Variants in MAPKBP1 observed in about 807,000 individuals in gnomAD.
MAPKBP1 encodes the protein mitogen-activated protein kinase-binding protein 1.
In MAPKBP1, 71 loss-of-function variants were observed where a neutral mutation model predicts 170.5. The ratio of observed to expected loss-of-function variants is 0.42; its 90% CI spans 0.34 to 0.51. The LOEUF (loss-of-function observed/expected upper bound fraction) is 0.51, where lower values mean the gene tolerates loss of function less well. Among genes scored for constraint, MAPKBP1 ranks in the 20% least tolerant of loss-of-function variants. The probability of loss-of-function intolerance (pLI) is 0.06; values close to 1 mark genes in which losing one functional copy is unlikely to be tolerated. For synonymous variants in MAPKBP1, 719 were observed against 757.9 expected, an observed-to-expected ratio of 0.95 and a Z score of 0.84; for missense variants, 1,598 against 1,933.0, an observed-to-expected ratio of 0.83 and a Z score of 3.25.
intron 2 of MAPKBP1, among the ~76,000 whole-genome samples, chr15:41,787,050 C>T (rs2064310967): frequency 6.6e-6 from 1 of 150,922 alleles, no homozygotes; most frequent in African/African-American, 2.4e-5. Context: ...AGGCGTAATC[C>T]TGACCTCAGG....
intron 3 of MAPKBP1, among the ~76,000 whole-genome samples, chr15:41,804,580 T>A (rs755369395): frequency 6.6e-6 from 1 of 152,020 alleles, no homozygotes; most frequent in Non-Finnish European, 1.5e-5. Context: ...CCCTGGAGAG[T>A]GTGGAGTCCT....
In MAPKBP1 at chr15:41,812,975, C is replaced by T. The variant is rs759951135; in HGVS notation, c.693C>T (p.Asn231=). ...CAGGGCTGCTGGGAGAGCTACGGAA[C>T]AACCTATTCACTGATGTGGCCTGTG... is the stretch of plus-strand genomic sequence containing the variant. ...GRSGLLGELR[N]NLFTDVACGR... Residue 231 remains asparagine (N), a synonymous_variant, in exon 8 of 31, where the codon AAC becomes AAT. Coordinates refer to ENST00000457542, the MANE Select transcript of MAPKBP1 (RefSeq NM_014994.3). The T allele has an allele frequency of 1.2e-6, 2 of 1,613,682 alleles. No homozygotes were observed. The highest frequency in any genetic ancestry group is 1.7e-6 in the Non-Finnish European group (2 of 1,179,792).
At position 41,825,629 on chromosome 15, in the gene MAPKBP1, CT is replaced by C; in HGVS notation, c.*195del. On this transcript the variant is annotated 3_prime_UTR_variant, in exon 31 of 31. Coordinates refer to ENST00000457542, the MANE Select transcript of MAPKBP1 (RefSeq NM_014994.3). ...ATTTATTTCCCTGACTGTTGCCTCA[CT>C]TCCTTGGAACTCCTGCCTCCACAGC... is the stretch of plus-strand genomic sequence containing the variant. 2 of 528,552 alleles carry C rather than the reference CT, an allele frequency of 3.8e-6. No individual in the cohort carries two copies. Among genetic ancestry groups the C allele is most frequent in the Non-Finnish European group, 6.7e-6 (2 of 300,508 alleles). 32.7% of individuals were successfully genotyped at this position (528,552 alleles called of 1,614,324 possible).
Position 41,812,533 on chromosome 15 carries a change from C to G in MAPKBP1, c.516C>G (p.Ala172=). 6.2e-7 allele frequency: 1 copy of G among 1,614,240 alleles called. No homozygotes were observed. The highest frequency in any genetic ancestry group is 8.5e-7 in the Non-Finnish European group (1 of 1,180,044). Residue 172 remains alanine (A), a synonymous_variant, in exon 7 of 31, where the codon GCC becomes GCG. Transcript: ENST00000457542. ...VWAWKKNIVV[A]SNKVSSRVTA... ...CCCTCCAGAAAAACATTGTGGTGGC[C>G]TCCAACAAGGTGTCCAGTCGGGTGA...
rs940967447 is a variant in MAPKBP1, at chr15:41,807,892, A to C, written c.207-2991A>C. On this transcript the variant is annotated intron_variant, in intron 3 of 30. Transcript: ENST00000457542. ...TCTCTACTAAAAATATAAAAAAATT[A>C]GCCAGGCTTGGTGATGGGTGCCTGT... is the stretch of plus-strand genomic sequence containing the variant. Among the ~76,000 whole-genome samples the C allele has an allele frequency of 3.6e-4, 54 of 151,894 alleles. 1 individual carries two copies. The highest frequency in any genetic ancestry group is 1.2e-3 in the African/African-American group (51 of 41,384).
At chr15:41,813,178 C>G in intron 8 of MAPKBP1, 77 bp downstream of exon 8, 1 of 1,549,830 alleles carries the variant, frequency 6.5e-7, no homozygotes, top group South Asian at 1.2e-5. Context: ...GGGCTTCAGA[C>G]TAGGGGCTGG....
At chr15:41,806,204 C>T (rs997784249) in intron 3 of MAPKBP1, among the ~76,000 whole-genome samples, 2 of 152,124 alleles carry the variant, frequency 1.3e-5, no homozygotes, top group African/African-American at 2.4e-5. Context: ...AAGTTATAAG[C>T]GTGATTACAA....
intron 20 of MAPKBP1, 134 bp downstream of exon 20, chr15:41,819,091 C>A: frequency 6.8e-7 from 1 of 1,465,752 alleles, no homozygotes; most frequent in Non-Finnish European, 9.3e-7. Context: ...ACACAAGGAT[C>A]CATGATGTCA....
intron 2 of MAPKBP1, among the ~76,000 whole-genome samples, chr15:41,781,567 C>T (rs1441064594): frequency 6.6e-6 from 1 of 152,016 alleles, no homozygotes; most frequent in Non-Finnish European, 1.5e-5. Context: ...TGCTCGAGCC[C>T]AGGAGTTTGA....
chr15:41,825,511 C>T lies in MAPKBP1; in HGVS notation c.*75C>T. 7.5e-7 allele frequency: 1 copy of T among 1,335,456 alleles called. No homozygotes were observed. Among genetic ancestry groups the T allele is most frequent in the Non-Finnish European group, 1.0e-6 (1 of 979,702 alleles). 82.7% of individuals were successfully genotyped at this position (1,335,456 alleles called of 1,614,324 possible). A position where few individuals can be genotyped will look rare whatever the true frequency, so the allele number is the denominator to read the frequency against. Reference sequence around the variant, plus strand: ...GCAGCCCCTCTGCCCCTCACCAAAACCTGCGGGGCTGCTTGGAGTGGAAAG... The same window carrying T: ...GCAGCCCCTCTGCCCCTCACCAAAATCTGCGGGGCTGCTTGGAGTGGAAAG... On this transcript the variant is annotated 3_prime_UTR_variant, in exon 31 of 31. Transcript: ENST00000457542.
chr15:41,788,202 C>T (rs931789569), intron 2 of MAPKBP1, among the ~76,000 whole-genome samples: 2 of 152,160 alleles, frequency 1.3e-5, no homozygotes, highest in African/African-American at 2.4e-5. Context: ...GTGATGCACC[C>T]GCCTCGGCCT....
chr15:41,795,429 G>A (rs2064471518), intron 2 of MAPKBP1, among the ~76,000 whole-genome samples: 1 of 151,988 alleles, frequency 6.6e-6, no homozygotes. Flanking sequence ...GAGTGAAGGG[G>A]AGGGTGTAGG....
At position 41,825,430 on chromosome 15, in the gene MAPKBP1, ACT is replaced by A; in HGVS notation, c.4524_4525del (p.Ter1509SerfsTer100). The A allele has an allele frequency of 6.2e-7, 1 of 1,602,730 alleles. No individual in the cohort carries two copies. Among genetic ancestry groups the A allele is most frequent in the East Asian group, 2.2e-5 (1 of 44,510 alleles). The part of the protein sequence containing the change: ...RAVERRMERK[L>X] Reference sequence around the variant, plus strand: ...CCGTGGAACGGCGTATGGAACGCAAACTCTGAGTTCTGGAAGCCTGTCCCAAG... The same window carrying A: ...CCGTGGAACGGCGTATGGAACGCAAACTGAGTTCTGGAAGCCTGTCCCAAG... On this transcript the variant is annotated frameshift_variant, in exon 31 of 31. Coordinates refer to ENST00000457542, the MANE Select transcript of MAPKBP1 (RefSeq NM_014994.3). LOFTEE classifies it high-confidence loss of function.
In MAPKBP1 at chr15:41,799,830, T is replaced by A; in HGVS notation, c.122T>A (p.Leu41Ter). The A allele has an allele frequency of 6.2e-7, 1 of 1,613,144 alleles. No homozygotes were observed. The highest frequency in any genetic ancestry group is 2.2e-5 in the East Asian group (1 of 44,882). ...TCTCTCTTCCTCTAACAGGTGACCT[T>A]GGAGAAGGTGCTGGGAATTACAGTG... ...RREDLSSKVT[L>*]EKVLGITVSG... The change falls in exon 3 of 31, where the codon TTG becomes TAG. Residue 41 changes from leucine to a stop codon, truncating the protein, a stop_gained. Coordinates refer to ENST00000457542, the MANE Select transcript of MAPKBP1 (RefSeq NM_014994.3). LOFTEE classifies it high-confidence loss of function.
rs892458141 is a variant in MAPKBP1, at chr15:41,825,446, G to T, written c.*10G>T. ...GGAACGCAAACTCTGAGTTCTGGAAGCCTGTCCCAAGTGAATGAATGCTCC... is the reference window on the plus strand; with the variant it reads ...GGAACGCAAACTCTGAGTTCTGGAATCCTGTCCCAAGTGAATGAATGCTCC... On this transcript the variant is annotated 3_prime_UTR_variant, in exon 31 of 31. Coordinates refer to ENST00000457542, the MANE Select transcript of MAPKBP1 (RefSeq NM_014994.3). 6.3e-7 allele frequency: 1 copy of T among 1,590,134 alleles called. No individual in the cohort carries two copies.
At chr15:41,812,849 C>T in intron 7 of MAPKBP1, 70 bp from the exon 8 acceptor site, 1 of 1,529,392 alleles carries the variant, frequency 6.5e-7, no homozygotes. Flanking sequence ...CCCCTGTACT[C>T]TCCTAGGGCC....
Position 41,810,936 on chromosome 15 carries a change from A to G in MAPKBP1, c.260A>G (p.Asn87Ser), listed in dbSNP as rs766457904. The change falls in exon 4 of 31, where the codon AAC becomes AGC. Residue 87 changes from asparagine (N) to serine (S), a missense_variant. Asn to Ser is a conservative substitution (Grantham distance 46). Around this residue, in one of 6 missense-constraint regions of MAPKBP1, gnomAD observed 151 missense variants for 191.4 expected, o/e 0.79. Transcript: ENST00000457542. ...AAACACAAACAGCACCACATCCTCA[A>G]CAGTTCCAGGTAAATGGGCTGGGGT... ...PRKHKQHHILNSSRKTITALA... is the reference protein window; with the variant it reads ...PRKHKQHHILSSSRKTITALA... 6 of 1,614,170 alleles carry G rather than the reference A, an allele frequency of 3.7e-6. No homozygotes were observed. Among genetic ancestry groups the G allele is most frequent in the Non-Finnish European group, 5.1e-6 (6 of 1,180,034 alleles).
rs1047845519 is a variant in MAPKBP1 at position 41,826,304 on chromosome 15, C to T, written c.*868C>T. On this transcript the variant is annotated 3_prime_UTR_variant, in exon 31 of 31. Transcript: ENST00000457542. ...TCCTGAATGATGCTTAGTCAGAAGC[C>T]TGTGTTGGAACATCCCTCGTTTACG... is the stretch of plus-strand genomic sequence containing the variant. 1 of 152,664 alleles carries T rather than the reference C, an allele frequency of 6.6e-6. No homozygotes were observed. The highest frequency in any genetic ancestry group is 2.4e-5 in the African/African-American group (1 of 41,462). 9.5% of individuals were successfully genotyped at this position (152,664 alleles called of 1,614,324 possible). A position where few individuals can be genotyped will look rare whatever the true frequency, so the allele number is the denominator to read the frequency against.
intron 2 of MAPKBP1, among the ~76,000 whole-genome samples, chr15:41,777,533 C>T (rs1032104462): frequency 6.6e-5 from 10 of 152,140 alleles, no homozygotes; most frequent in Non-Finnish European, 1.2e-4. Flanking sequence ...TGTCCTGAAG[C>T]TGTGTATGAA....
Sources: gnomAD v4.1 joint callset for allele counts (sites outside exome capture counted in the v4.1 genomes callset) on GRCh38, gnomAD v4.1.1 for gene constraint, gnomAD v4.1.1 regional missense constraint, MANE v1.5 for transcripts, NCBI Gene and HGNC (gene_info 2026-07-23, HGNC 2026-07-21) for gene names.